RTTN: variants seen among roughly 807,000 people sequenced by gnomAD.
RTTN encodes rotatin.
Under a neutral mutation model 269.2 loss-of-function variants are expected in RTTN, and 182 were observed. That is an observed-to-expected ratio of 0.68 (90% CI 0.60 to 0.76). The LOEUF is 0.76. Ranked by LOEUF, RTTN falls within the 30% of genes least tolerant of loss-of-function variation. The pLI is 0.00. For synonymous variants in RTTN, 1,006 were observed against 963.5 expected (o/e 1.04, Z -0.82); for missense variants, 2,545 against 2,608.6 (o/e 0.98, Z 0.53).
At chr18:70,146,541 T>C (rs546650630) in intron 17 of RTTN, among the ~76,000 whole-genome samples, 1 of 152,286 alleles carries the variant, frequency 6.6e-6, no homozygotes, top group East Asian at 1.9e-4. Context: ...TTTTAAGAAC[T>C]ACCTATAAGA....
At chr18:70,197,847 A>G (rs1239432260) in intron 5 of RTTN, 109 bp from the exon 6 acceptor site, 1 of 689,384 alleles carries the variant, frequency 1.5e-6, no homozygotes, top group African/African-American at 1.8e-5. Flanking sequence ...CTCAGCTGAG[A>G]TATCACTTCT....
chr18:70,155,156 C>A (rs1480360311), intron 14 of RTTN, among the ~76,000 whole-genome samples: 1 of 152,116 alleles, frequency 6.6e-6, no homozygotes, highest in Non-Finnish European at 1.5e-5. Flanking sequence ...TCCTCTGATT[C>A]TTTTTATTAT....
At position 70,075,501 on chromosome 18, in the gene RTTN, A is replaced by G; in HGVS notation, c.4415T>C (p.Ile1472Thr). ...AAGAGCCTGAAGGGCAGGTTTTCCAATGAGCGATAGGCCAGAGTCCTCATC... is the reference window on the plus strand; with the variant it reads ...AAGAGCCTGAAGGGCAGGTTTTCCAGTGAGCGATAGGCCAGAGTCCTCATC... Reference protein sequence around the residue: ...VHDEDSGLSLIGKPALQALLY... With the variant: ...VHDEDSGLSLTGKPALQALLY... Residue 1472 changes from isoleucine to threonine, a missense_variant, in exon 33 of 49, where the codon ATT (isoleucine) becomes ACT (threonine). Transcript: ENST00000640769. 1 of 1,600,316 alleles carries G rather than the reference A, an allele frequency of 6.2e-7. No homozygotes were observed. Among genetic ancestry groups the G allele is most frequent in the Non-Finnish European group, 8.5e-7 (1 of 1,174,646 alleles).
At position 70,204,278 on chromosome 18, in the gene RTTN, G is replaced by C. The variant is rs766043767; in HGVS notation, c.220-15C>G. 7 of 1,585,598 alleles carry C rather than the reference G, an allele frequency of 4.4e-6. No individual in the cohort carries two copies. The African/African-American group carries it at 5.5e-5, about 12-fold the overall frequency. On this transcript the variant is annotated splice_polypyrimidine_tract_variant and intron_variant, in intron 2 of 48. Coordinates refer to ENST00000640769, the MANE Select transcript of RTTN (RefSeq NM_173630.4). ...GCTGGGGGATACTAAAATAAGAAGA[G>C]GATGATCTTGAGAATAACTGTATCA...
At position 70,016,237 on chromosome 18, in the gene RTTN, G is replaced by A. The variant is rs141604866; in HGVS notation, c.6421+1170C>T. ...ACAAAATATAAGAAGAATCATTTTC[G>A]TACACTTAGAAAACCCTTGATTTCA... On this transcript the variant is annotated intron_variant, in intron 46 of 48. Transcript: ENST00000640769. 1.2e-3 allele frequency among the ~76,000 whole-genome samples: 186 copies of A among 152,020 alleles called. 1 individual carries two copies. Among genetic ancestry groups the A allele is most frequent in the African/African-American group, 4.3e-3 (177 of 41,470 alleles).
At chr18:70,117,990 TAAG>T (rs2059642145) in intron 26 of RTTN, among the ~76,000 whole-genome samples, 1 of 151,844 alleles carries the variant, frequency 6.6e-6, no homozygotes, top group African/African-American at 2.4e-5. Context: ...AAAGCAGGTC[TAAG>T]AAGGACATAC....
intron 9 of RTTN, among the ~76,000 whole-genome samples, chr18:70,188,789 T>C (rs2061604268): frequency 6.6e-6 from 1 of 152,206 alleles, no homozygotes; most frequent in African/African-American, 2.4e-5. Flanking sequence ...CAACCTCCTT[T>C]CTCCACAGAG....
At chr18:70,179,090 T>C (rs189282205) in intron 10 of RTTN, among the ~76,000 whole-genome samples, 1 of 152,322 alleles carries the variant, frequency 6.6e-6, no homozygotes, top group Admixed American at 6.5e-5. Flanking sequence ...TTTAAGGCTA[T>C]ATTTCTCTGA....
intron 27 of RTTN, among the ~76,000 whole-genome samples, chr18:70,111,539 C>T (rs2059467232): frequency 6.6e-6 from 1 of 150,656 alleles, no homozygotes; most frequent in Non-Finnish European, 1.5e-5. Context: ...CGAAGGTCAC[C>T]AAGAAAGGAT....
chr18:70,004,970 T>A (rs2056137655), intron 48 of RTTN, among the ~76,000 whole-genome samples: 1 of 152,220 alleles, frequency 6.6e-6, no homozygotes, highest in South Asian at 2.1e-4. Flanking sequence ...GAAAATTTAG[T>A]ACAAAAATAA....
intron 40 of RTTN, among the ~76,000 whole-genome samples, chr18:70,040,931 T>C (rs2057320666): frequency 6.6e-6 from 1 of 152,076 alleles, no homozygotes; most frequent in South Asian, 2.1e-4. Context: ...AAACAAATGA[T>C]AATGGGGCCA....
At chr18:70,041,348 T>C (rs2057334321) in intron 40 of RTTN, among the ~76,000 whole-genome samples, 1 of 151,464 alleles carries the variant, frequency 6.6e-6, no homozygotes, top group African/African-American at 2.4e-5. Context: ...TATTCCCTCC[T>C]GAAATCCCAT....
chr18:70,176,899 A>G (rs747448978), intron 10 of RTTN, 54 bp from the exon 11 acceptor site: 4 of 1,375,574 alleles, frequency 2.9e-6, no homozygotes, highest in Non-Finnish European at 4.0e-6. Context: ...TTTAGGGGCC[A>G]GTATACAAAA....
chr18:70,097,981 A>C (rs761628650), intron 28 of RTTN, among the ~76,000 whole-genome samples: 10 of 152,244 alleles, frequency 6.6e-5, no homozygotes, highest in Admixed American at 2.0e-4. Context: ...TTCAAAGAGT[A>C]AAACTCATTT....
chr18:70,093,259 T>TA (rs57211704), intron 28 of RTTN, among the ~76,000 whole-genome samples: 196 of 148,256 alleles, frequency 1.3e-3, no homozygotes, highest in Middle Eastern at 6.9e-3. Context: ...TTAAAGTCTG[T>TA]AAAAAAAAAA....
At chr18:70,128,718 T>C in intron 23 of RTTN, 172 bp from the exon 24 acceptor site, 1 of 572,724 alleles carries the variant, frequency 1.7e-6, no homozygotes, top group Non-Finnish European at 3.1e-6. Flanking sequence ...TTTCAATTAT[T>C]CTTTTCATCT....
intron 45 of RTTN, among the ~76,000 whole-genome samples, chr18:70,020,122 A>G (rs926336647): frequency 6.6e-6 from 1 of 152,198 alleles, no homozygotes; most frequent in Non-Finnish European, 1.5e-5. Context: ...AAAATCAGTG[A>G]TGAGAAGTCT....
At chr18:70,146,711 T>C (rs2060402822) in intron 17 of RTTN, among the ~76,000 whole-genome samples, 1 of 152,176 alleles carries the variant, frequency 6.6e-6, no homozygotes, top group African/African-American at 2.4e-5. Context: ...AGAGCTATAT[T>C]CCCGGTTACA....
intron 30 of RTTN, among the ~76,000 whole-genome samples, chr18:70,088,695 G>A (rs760496392): frequency 1.3e-5 from 2 of 152,128 alleles, no homozygotes; most frequent in East Asian, 1.9e-4. Flanking sequence ...CAAGCCACAC[G>A]TTTTGGTAAA....
Sources: allele counts gnomAD v4.1 joint callset (sites outside exome capture counted in the v4.1 genomes callset), GRCh38; gene constraint gnomAD v4.1.1; transcripts MANE v1.5; gene names NCBI Gene and HGNC (gene_info 2026-07-23, HGNC 2026-07-21).